Variants in RBFOX1 observed in about 807,000 individuals in gnomAD.
The protein encoded by RBFOX1 is RNA binding protein fox-1 homolog 1.
In RBFOX1, 8 loss-of-function variants were observed where a neutral mutation model predicts 57.7. The ratio of observed to expected loss-of-function variants is 0.14; its 90% CI spans 0.08 to 0.25. The LOEUF (loss-of-function observed/expected upper bound fraction) is 0.25. Among genes scored for constraint, RBFOX1 ranks in the 10% least tolerant of loss-of-function variants. RBFOX1 has a pLI of 1.00. For synonymous variants in RBFOX1, 326 were observed against 222.4 expected, an observed-to-expected ratio of 1.47 and a Z score of -4.15; for missense variants, 611 against 548.5, an observed-to-expected ratio of 1.11 and a Z score of -1.14.
chr16:6,892,770 GTCTCCCTCTCTCTCTCTCTCTCTCTC>G (rs1196416928), intron 3 of RBFOX1, among the ~76,000 whole-genome samples: 37 of 91,848 alleles, frequency 4.0e-4, no homozygotes, highest in Middle Eastern at 7.5e-3. Context: ...AAGCCTCCCT[GTCTCCCTCTCTCTCTCTCTCTCTCTC>G]TCTCTCTCTC....
rs73523693 is a variant in RBFOX1 at position 5,598,934 on chromosome 16, C to T, written c.291C>T (p.Pro97=). 7.0e-3 allele frequency: 10,710 copies of T among 1,532,496 alleles called. 617 individuals are homozygous for T. The African/African-American group carries it at 0.13, about 18-fold the overall frequency. 94.9% of individuals were successfully genotyped at this position (1,532,496 alleles called of 1,614,324 possible). A position where few individuals can be genotyped will look rare whatever the true frequency, so the allele number is the denominator to read the frequency against. Residue 97 remains proline (P), a synonymous_variant, in exon 3 of 3, where the codon CCC becomes CCT. Coordinates refer to the RBFOX1 transcript ENST00000585867. ...AGTCTGAAAATTCAACCCTCCTCCCCGGTGCCAAGAACAGCCTGCAAGACT... is the reference window on the plus strand; with the variant it reads ...AGTCTGAAAATTCAACCCTCCTCCCTGGTGCCAAGAACAGCCTGCAAGACT...
At chr16:5,666,667 T>A (rs1309411910) in intron 3 of RBFOX1, among the ~76,000 whole-genome samples, 1 of 152,190 alleles carries the variant, frequency 6.6e-6, no homozygotes. Flanking sequence ...CCACTTTAGA[T>A]AGATAAAGAA....
intron 1 of RBFOX1, among the ~76,000 whole-genome samples, chr16:6,043,254 T>A (rs2152420224): frequency 6.6e-6 from 1 of 151,948 alleles, no homozygotes; most frequent in South Asian, 2.1e-4. Context: ...GATGTCTTGT[T>A]TTCAGATCTT....
chr16:6,834,005 C>G (rs11641066), intron 3 of RBFOX1, among the ~76,000 whole-genome samples: 92 of 152,168 alleles, frequency 6.0e-4, no homozygotes, highest in African/African-American at 2.2e-3. Flanking sequence ...TGTGAGTACA[C>G]TGGGAAGCCA....
chr16:5,295,639 G>A (rs1486971032), intron 1 of RBFOX1, among the ~76,000 whole-genome samples: 8 of 152,152 alleles, frequency 5.3e-5, no homozygotes, highest in East Asian at 1.9e-4. Flanking sequence ...CCATCTGGCC[G>A]CTCATGACAT....
chr16:6,222,792 C>T (rs917990871), intron 1 of RBFOX1, among the ~76,000 whole-genome samples: 5 of 151,408 alleles, frequency 3.3e-5, no homozygotes, highest in Non-Finnish European at 4.4e-5. Context: ...TGGTGGTGTG[C>T]TGCACCCATT....
chr16:5,812,513 C>T (rs1341933730), intron 3 of RBFOX1, among the ~76,000 whole-genome samples: 6 of 148,166 alleles, frequency 4.0e-5, no homozygotes, highest in Non-Finnish European at 7.4e-5. Context: ...GGCGGGAGTG[C>T]AGTGGTGCAG....
chr16:6,678,992 A>G (rs947541465), intron 3 of RBFOX1, among the ~76,000 whole-genome samples: 6 of 152,108 alleles, frequency 3.9e-5, no homozygotes, highest in African/African-American at 1.4e-4. Flanking sequence ...TCTCAAATCC[A>G]TTTCATTCTT....
At chr16:7,585,704 T>C (rs562493251) in intron 6 of RBFOX1, among the ~76,000 whole-genome samples, 1 of 152,330 alleles carries the variant, frequency 6.6e-6, no homozygotes, top group South Asian at 2.1e-4. Flanking sequence ...CATATACATT[T>C]GTTTCTACTG....
rs77189092 is a variant in RBFOX1, at chr16:7,488,399, A to G, written c.28-29748A>G. 6.2e-3 allele frequency among the ~76,000 whole-genome samples: 945 copies of G among 151,524 alleles called. 13 individuals carry two copies. The highest frequency in any genetic ancestry group is 0.022 in the African/African-American group (915 of 41,344). On this transcript the variant is annotated intron_variant, in intron 4 of 15. Transcript: ENST00000550418. ...TATGTACAGATATATATGGACCTCT[A>G]TATCTATCTACTGTCTGCCTGTCTA...
rs1555448343 is a variant in RBFOX1, at chr16:5,488,645, G to GA, written c.258+21391_258+21392insA. On this transcript the variant is annotated intron_variant, in intron 2 of 2. Coordinates refer to the RBFOX1 transcript ENST00000585867. Reference sequence around the variant, plus strand: ...ATAATGGAGGATTATAGTGATGATGGTGATGATGATTATGGGAGATGATGG... The same window carrying GA: ...ATAATGGAGGATTATAGTGATGATGGATGATGATGATTATGGGAGATGATGG... Among the ~76,000 whole-genome samples the GA allele has an allele frequency of 2.4e-5, 3 of 127,412 alleles. 1 individual carries two copies. Among genetic ancestry groups the GA allele is most frequent in the East Asian group, 2.4e-4 (1 of 4,246 alleles). 83.6% of individuals were successfully genotyped at this position (127,412 alleles called of 152,430 possible).
intron 14 of RBFOX1, among the ~76,000 whole-genome samples, chr16:7,707,958 A>G (rs2083033149): frequency 2.0e-5 from 3 of 152,206 alleles, no homozygotes; most frequent in Admixed American, 2.0e-4. Flanking sequence ...AGATAGCAGC[A>G]TTCAAACTAT....
At chr16:6,912,425 G>A (rs901259760) in intron 3 of RBFOX1, among the ~76,000 whole-genome samples, 1 of 152,102 alleles carries the variant, frequency 6.6e-6, no homozygotes, top group Admixed American at 6.5e-5. Flanking sequence ...TGAGGTGTCT[G>A]TTCTCTGTGA....
At chr16:7,429,840 A>C (rs1293345593) in intron 4 of RBFOX1, among the ~76,000 whole-genome samples, 1 of 152,186 alleles carries the variant, frequency 6.6e-6, no homozygotes, top group African/African-American at 2.4e-5. Flanking sequence ...TACTCCAACT[A>C]ATAATTATTG....
At chr16:5,961,083 C>T (rs1291068450) in intron 4 of RBFOX1, among the ~76,000 whole-genome samples, 1 of 152,126 alleles carries the variant, frequency 6.6e-6, no homozygotes, top group African/African-American at 2.4e-5. Flanking sequence ...ATGTGTTTTC[C>T]AGGAAGCTTT....
At chr16:5,676,589 G>T (rs1452674120) in intron 3 of RBFOX1, among the ~76,000 whole-genome samples, 2 of 151,994 alleles carry the variant, frequency 1.3e-5, no homozygotes, top group Non-Finnish European at 2.9e-5. Context: ...TGCTGGGTGT[G>T]GTGGCTCATA....
chr16:7,583,242 A>G (rs1230087681), intron 6 of RBFOX1, among the ~76,000 whole-genome samples: 1 of 151,890 alleles, frequency 6.6e-6, no homozygotes, highest in South Asian at 2.1e-4. Context: ...TCTTTTAAAA[A>G]TACCGGTTGA....
chr16:5,254,386 G>A (rs2062530879), intron 1 of RBFOX1, among the ~76,000 whole-genome samples: 1 of 152,194 alleles, frequency 6.6e-6, no homozygotes, highest in African/African-American at 2.4e-5. Context: ...ATACTTGTCT[G>A]TGGGCCTTCT....
intron 2 of RBFOX1, among the ~76,000 whole-genome samples, chr16:6,351,613 A>G (rs1484343057): frequency 1.3e-5 from 2 of 151,840 alleles, no homozygotes; most frequent in African/African-American, 4.8e-5. Flanking sequence ...ACCTCAGGTG[A>G]TCCGCCCGTC....
Sources: gnomAD v4.1 joint callset for allele counts (sites outside exome capture counted in the v4.1 genomes callset) on GRCh38, gnomAD v4.1.1 for gene constraint, MANE v1.5 for transcripts, NCBI Gene and HGNC (gene_info 2026-07-23, HGNC 2026-07-21) for gene names.